Variants in RASGRF1 observed in about 807,000 individuals in gnomAD.
RASGRF1 encodes the protein ras-specific guanine nucleotide-releasing factor 1.
RASGRF1 carries 40 observed loss-of-function variants against 138.7 expected under a neutral mutation model. The observed-to-expected ratio is 0.29, with a 90% confidence interval of 0.22 to 0.38. The LOEUF is 0.38. RASGRF1 is among the 10% of genes least tolerant of loss of function. The pLI is 1.00. For synonymous variants in RASGRF1, 614 were observed against 663.2 expected (o/e 0.93, Z 1.14); for missense variants, 1,108 against 1,650.4 (o/e 0.67, Z 5.69).
intron 1 of RASGRF1, among the ~76,000 whole-genome samples, chr15:79,082,932 T>C (rs2057932546): frequency 6.6e-6 from 1 of 152,144 alleles, no homozygotes; most frequent in Non-Finnish European, 1.5e-5. Flanking sequence ...GTCATAAAGG[T>C]GGAAGCCAAA....
rs1209702502 is a variant in RASGRF1 at position 79,004,013 on chromosome 15, G to A, written c.2238C>T (p.Pro746=). ...SRRRKLSLNI[P]IITGGKALDL... ...CCAGGGCCTTGCCGCCAGTGATGAT[G>A]GGGATGTTCAGGGAGAGCTTCCGCC... Residue 746 remains proline, a synonymous_variant, in exon 15 of 27, where the codon CCC becomes CCT. Coordinates refer to ENST00000558480, the MANE Select transcript of RASGRF1 (RefSeq NM_001145648.3). The A allele has an allele frequency of 8.7e-6, 14 of 1,614,208 alleles. No individual in the cohort carries two copies. The South Asian group carries it at 1.5e-4, about 18-fold the overall frequency.
chr15:79,090,019 C>A (rs185312875), intron 1 of RASGRF1, among the ~76,000 whole-genome samples: 1 of 152,358 alleles, frequency 6.6e-6, no homozygotes, highest in East Asian at 1.9e-4. Context: ...ATCTACTCCC[C>A]GCCCTCAATC....
Position 79,057,813 on chromosome 15 carries a change from C to T in RASGRF1, c.531+521G>A, listed in dbSNP as rs112212898. Among the ~76,000 whole-genome samples, 1,305 of 152,350 alleles carry T rather than the reference C, an allele frequency of 8.6e-3. 19 individuals are homozygous for T. Among genetic ancestry groups the T allele is most frequent in the Non-Finnish European group, 0.015 (1,007 of 68,036 alleles). Reference sequence around the variant, plus strand: ...AAAGAGGCTTAGTCTGGCAACAATGCCGCCTCCAGAATGCTGGCTGGTGGG... The same window carrying T: ...AAAGAGGCTTAGTCTGGCAACAATGTCGCCTCCAGAATGCTGGCTGGTGGG... On this transcript the variant is annotated intron_variant, in intron 3 of 26. Coordinates refer to ENST00000558480, the MANE Select transcript of RASGRF1 (RefSeq NM_001145648.3).
intron 8 of RASGRF1, among the ~76,000 whole-genome samples, chr15:79,028,264 C>A (rs1263600557): frequency 1.3e-5 from 2 of 152,160 alleles, no homozygotes; most frequent in African/African-American, 4.8e-5. Flanking sequence ...CTTCTACCAG[C>A]CTTATTCCCA....
intron 15 of RASGRF1, among the ~76,000 whole-genome samples, 166 bp from the exon 16 acceptor site, chr15:79,001,953 A>G (rs944395253): frequency 2.0e-5 from 3 of 152,232 alleles, no homozygotes; most frequent in Non-Finnish European, 4.4e-5. Context: ...AGGACTCATC[A>G]GAACCTTTCT....
In RASGRF1 at chr15:79,006,198, G is replaced by A. The variant is rs764125176; in HGVS notation, c.2063C>T (p.Ala688Val). The stretch of plus-strand genomic sequence containing the variant: ...GCACCTCAGCCACCTGGCAGGAATG[G>A]CACTGATAGGCTTCTTGTAGATGGT... Reference protein sequence around the residue: ...LITIYKKPISAIPARSLELLF... With the variant: ...LITIYKKPISVIPARSLELLF... Residue 688 changes from alanine to valine, a missense_variant, in exon 14 of 27, where the codon GCC becomes GTC. Ala to Val is a moderately conservative substitution (Grantham distance 64). Coordinates refer to ENST00000558480, the MANE Select transcript of RASGRF1 (RefSeq NM_001145648.3). The surrounding 1 kb of genome is among the most constrained non-coding windows in gnomAD (Gnocchi z 4.0). 6 of 1,614,082 alleles carry A rather than the reference G, an allele frequency of 3.7e-6. No homozygotes were observed. Among genetic ancestry groups the A allele is most frequent in the African/African-American group, 1.3e-5 (1 of 74,946 alleles).
intron 8 of RASGRF1, 67 bp downstream of exon 8, chr15:79,031,332 TC>T (rs2057133456): frequency 8.0e-7 from 1 of 1,246,124 alleles, no homozygotes; most frequent in Admixed American, 2.1e-5. Context: ...TTCAGCGAAC[TC>T]CTGGTGAGGG....
intron 3 of RASGRF1, among the ~76,000 whole-genome samples, chr15:79,051,316 G>A (rs1480547961): frequency 1.3e-5 from 2 of 152,346 alleles, no homozygotes; most frequent in South Asian, 4.1e-4. Context: ...AAGAGTGGCT[G>A]AAAATATCTA....
At chr15:79,005,741 C>CCCTT (rs1567502550) in intron 14 of RASGRF1, 15 of 585,076 alleles carry the variant, frequency 2.6e-5, no homozygotes, top group Non-Finnish European at 3.2e-5. Flanking sequence ...CTCCCTCCCT[C>CCCTT]CCTCCCTTCC....
intron 10 of RASGRF1, among the ~76,000 whole-genome samples, chr15:79,024,541 T>G (rs1474663657): frequency 2.0e-5 from 3 of 152,154 alleles, no homozygotes; most frequent in Non-Finnish European, 4.4e-5. Context: ...ATAATCCCCA[T>G]GTGTCATGGG....
intron 1 of RASGRF1, among the ~76,000 whole-genome samples, chr15:79,074,630 C>A (rs982371296): frequency 1.3e-5 from 2 of 152,204 alleles, no homozygotes; most frequent in Non-Finnish European, 1.5e-5. Flanking sequence ...GAGCCACACC[C>A]AGGCCCCATA....
chr15:78,963,197 C>G (rs1264909950), intron 26 of RASGRF1, among the ~76,000 whole-genome samples: 1 of 152,196 alleles, frequency 6.6e-6, no homozygotes, highest in Non-Finnish European at 1.5e-5. Flanking sequence ...CACAGGCAGC[C>G]CCCTGCTCCA....
chr15:79,064,455 A>G lies in RASGRF1; in HGVS notation c.348T>C (p.Asp116=). Residue 116 remains aspartate (D), a synonymous_variant, in exon 2 of 27, where the codon GAT becomes GAC. Transcript: ENST00000558480. ...ALELRTEDAK[D]CDEWVAAIAH... ...CAATGGCTGCCACCCATTCGTCACA[A>G]TCTTTTGCGTCCTCTGTCCTCAGCT... is the stretch of plus-strand genomic sequence containing the variant. 1 of 1,614,202 alleles carries G rather than the reference A, an allele frequency of 6.2e-7. No individual in the cohort carries two copies. The highest frequency in any genetic ancestry group is 1.1e-5 in the South Asian group (1 of 91,088).
At chr15:79,070,608 G>A (rs2057742325) in intron 1 of RASGRF1, among the ~76,000 whole-genome samples, 1 of 152,140 alleles carries the variant, frequency 6.6e-6, no homozygotes, top group East Asian at 1.9e-4. Flanking sequence ...CAGTCACTGA[G>A]GTTCTCACCT....
Position 78,991,791 on chromosome 15 carries a change from C to T in RASGRF1, c.3031G>A (p.Glu1011Lys), listed in dbSNP as rs1295006036. 1 of 1,611,690 alleles carries T rather than the reference C, an allele frequency of 6.2e-7. No homozygotes were observed. The highest frequency in any genetic ancestry group is 2.2e-5 in the East Asian group (1 of 44,788). Residue 1011 changes from glutamate (E) to lysine (K), a missense_variant, in exon 21 of 27, where the codon GAA becomes AAA. By Grantham distance (56) the Glu-to-Lys change is moderately conservative. This residue lies in a region of RASGRF1 where 686 missense variants were observed against 976.7 expected (regional missense o/e 0.70). Transcript: ENST00000558480. ...TCAAAGGGCTCAGCCTTCACGCCTT[C>T]AGCCTGGTTTTGAGTTGGGGGAGCA... Reference protein sequence around the residue: ...ITLEEITQMAEGVKAEPFENH... With the variant: ...ITLEEITQMAKGVKAEPFENH...
rs558786794 is a variant in RASGRF1 at position 79,031,884 on chromosome 15, C to G, written c.1152+239G>C. ...CTCTTCCAGGGTCTTGTCTAGGGCT[C>G]TGCTCTGGCTGAGGGTGGGGTGGGG... On this transcript the variant is annotated intron_variant, in intron 7 of 26. Transcript: ENST00000558480. Among the ~76,000 whole-genome samples the G allele has an allele frequency of 1.1e-3, 164 of 152,206 alleles. 3 individuals are homozygous for G. The highest frequency in any genetic ancestry group is 3.9e-3 in the African/African-American group (160 of 41,538).
chr15:79,014,697 G>A (rs983796222), intron 13 of RASGRF1, among the ~76,000 whole-genome samples: 7 of 152,040 alleles, frequency 4.6e-5, no homozygotes, highest in Non-Finnish European at 5.9e-5. Context: ...GGCAGATCAC[G>A]AGATGGTCAG....
intron 13 of RASGRF1, among the ~76,000 whole-genome samples, chr15:79,008,957 C>T (rs568051335): frequency 2.0e-5 from 3 of 152,306 alleles, no homozygotes; most frequent in East Asian, 1.9e-4. Context: ...AAATGACCCT[C>T]GTCTTTGCCT....
chr15:78,962,308 T>C, intron 26 of RASGRF1, 72 bp from the exon 27 acceptor site: 1 of 1,118,586 alleles, frequency 8.9e-7, no homozygotes, highest in South Asian at 1.4e-5. Context: ...GGATGCACTT[T>C]ATCTCCTAGG....
Sources: allele counts gnomAD v4.1 joint callset (sites outside exome capture counted in the v4.1 genomes callset), GRCh38; gene constraint gnomAD v4.1.1; regional missense constraint gnomAD v4.1.1; non-coding constraint Gnocchi (gnomAD v3.1); transcripts MANE v1.5; gene names NCBI Gene and HGNC (gene_info 2026-07-23, HGNC 2026-07-21).